Variants in AGPAT3 observed in about 807,000 individuals in gnomAD.
AGPAT3 encodes the protein 1-acyl-sn-glycerol-3-phosphate acyltransferase gamma.
AGPAT3 carries 5 observed loss-of-function variants against 47.3 expected under a neutral mutation model. The observed-to-expected ratio is 0.11, with a 90% CI of 0.06 to 0.22. The LOEUF is 0.22. AGPAT3 is among the 10% of genes least tolerant of loss of function. The pLI, the probability that AGPAT3 is intolerant of heterozygous loss-of-function variation, is 1.00. For synonymous variants in AGPAT3, 212 were observed against 208.3 expected (o/e 1.02, Z -0.15); for missense variants, 315 against 493.0 (o/e 0.64, Z 3.42).
chr21:43,921,492 A>T (rs1026945564), intron 2 of AGPAT3, among the ~76,000 whole-genome samples: 1 of 152,174 alleles, frequency 6.6e-6, no homozygotes, highest in African/African-American at 2.4e-5. Flanking sequence ...ACAGGTCACA[A>T]GTGGGGCAGT....
chr21:43,910,283 G>T (rs1180813257), intron 2 of AGPAT3, among the ~76,000 whole-genome samples: 1 of 152,210 alleles, frequency 6.6e-6, no homozygotes, highest in East Asian at 1.9e-4. Flanking sequence ...GTGCTGGTCT[G>T]CAGAGATTGG....
At chr21:43,941,391 G>T (rs567754253) in intron 2 of AGPAT3, among the ~76,000 whole-genome samples, 1 of 152,082 alleles carries the variant, frequency 6.6e-6, no homozygotes, top group Admixed American at 6.6e-5. Flanking sequence ...ATGTAAAAAC[G>T]ATCAATACTA....
intron 2 of AGPAT3, among the ~76,000 whole-genome samples, chr21:43,942,262 C>T (rs1010121657): frequency 6.6e-6 from 1 of 152,164 alleles, no homozygotes; most frequent in African/African-American, 2.4e-5. Flanking sequence ...AGACGTTGAG[C>T]GTCACGGTGG....
chr21:43,875,221 T>G (rs2085708677), intron 1 of AGPAT3, among the ~76,000 whole-genome samples: 1 of 152,172 alleles, frequency 6.6e-6, no homozygotes, highest in African/African-American at 2.4e-5. Context: ...CCTCATGATC[T>G]GCCCTCCTCG....
intron 3 of AGPAT3, chr21:43,966,042 G>C (rs141249524): frequency 6.6e-6 from 1 of 152,232 alleles, no homozygotes; most frequent in Non-Finnish European, 1.5e-5. Flanking sequence ...CCCAGGCGCC[G>C]CCCACCCTGC....
At chr21:43,972,505 T>A (rs1265106203) in intron 7 of AGPAT3, among the ~76,000 whole-genome samples, 1 of 152,134 alleles carries the variant, frequency 6.6e-6, no homozygotes. Context: ...GGGGCCCCAG[T>A]CCTGTCCCAA....
intron 1 of AGPAT3, among the ~76,000 whole-genome samples, chr21:43,890,029 A>G (rs2086066959): frequency 6.6e-6 from 1 of 152,052 alleles, no homozygotes; most frequent in Admixed American, 6.6e-5. Context: ...GACATTTTGG[A>G]TCTGTGTCCC....
intron 2 of AGPAT3, among the ~76,000 whole-genome samples, chr21:43,953,974 G>A (rs1161107106): frequency 6.6e-6 from 1 of 152,108 alleles, no homozygotes; most frequent in Non-Finnish European, 1.5e-5. Context: ...CTCCAGCCTG[G>A]GTGACAGAGT....
intron 7 of AGPAT3, among the ~76,000 whole-genome samples, chr21:43,977,756 G>A (rs573723248): frequency 6.6e-6 from 1 of 152,142 alleles, no homozygotes; most frequent in South Asian, 2.1e-4. Context: ...GCGTGGTGGC[G>A]CATGCCTGTA....
intron 1 of AGPAT3, among the ~76,000 whole-genome samples, chr21:43,890,365 G>A (rs1483713710): frequency 6.6e-6 from 1 of 152,086 alleles, no homozygotes; most frequent in African/African-American, 2.4e-5. Flanking sequence ...TCTGAAACAG[G>A]GTGGAGAATT....
chr21:43,868,934 A>G (rs1343132737), intron 1 of AGPAT3, among the ~76,000 whole-genome samples: 1 of 152,236 alleles, frequency 6.6e-6, no homozygotes, highest in Non-Finnish European at 1.5e-5. Flanking sequence ...AAGGTCCAAT[A>G]GAATCCAAAG....
intron 7 of AGPAT3, among the ~76,000 whole-genome samples, chr21:43,974,179 TA>T (rs967301482): frequency 1.3e-5 from 2 of 152,004 alleles, no homozygotes; most frequent in African/African-American, 4.8e-5. Flanking sequence ...GTGTGTGTTG[TA>T]TATGGGTGTG....
intron 2 of AGPAT3, among the ~76,000 whole-genome samples, chr21:43,948,649 A>T (rs141391765): frequency 4.6e-5 from 7 of 152,234 alleles, no homozygotes; most frequent in Admixed American, 2.0e-4. Context: ...GGTTTTAGGT[A>T]TGTCATATAA....
In AGPAT3 at chr21:43,955,059, C is replaced by G; in HGVS notation, c.-48-4575C>G. 8.1e-7 allele frequency: 1 copy of G among 1,232,812 alleles called. No homozygotes were observed. The highest frequency in any genetic ancestry group is 1.0e-6 in the Non-Finnish European group (1 of 953,674). The allele number at this position is 1,232,812 out of a possible 1,614,324, so 76.4% of individuals were successfully genotyped here. On this transcript the variant is annotated intron_variant, in intron 2 of 9. Coordinates refer to ENST00000291572, the MANE Select transcript of AGPAT3 (RefSeq NM_020132.5). This position sits in a 1 kb window ranked among gnomAD's most constrained non-coding sequence, Gnocchi z 4.1. The stretch of plus-strand genomic sequence containing the variant: ...GCATCACGGCTCTATCTGTGGCCCC[C>G]AAAGGCTGGGTGCCAGCTGCCTGTC...
At chr21:43,963,527 T>C (rs2088977029) in intron 3 of AGPAT3, among the ~76,000 whole-genome samples, 1 of 151,124 alleles carries the variant, frequency 6.6e-6, no homozygotes, top group African/African-American at 2.5e-5. Flanking sequence ...CTGGCCAACA[T>C]GGTGAAACCC....
At chr21:43,964,445 C>G (rs1305363114) in intron 3 of AGPAT3, among the ~76,000 whole-genome samples, 1 of 151,956 alleles carries the variant, frequency 6.6e-6, no homozygotes, top group Non-Finnish European at 1.5e-5. Flanking sequence ...ATCCGCCCAC[C>G]TCGGCCTCCC....
intron 1 of AGPAT3, among the ~76,000 whole-genome samples, chr21:43,895,735 G>A (rs868740627): frequency 6.6e-6 from 1 of 151,856 alleles, no homozygotes; most frequent in Non-Finnish European, 1.5e-5. Context: ...ACAGGCAACC[G>A]CCACCACACC....
In AGPAT3 at chr21:43,930,387, G is replaced by A. The variant is rs77024271; in HGVS notation, c.-49+26368G>A. Among the ~76,000 whole-genome samples, 433 of 152,298 alleles carry A rather than the reference G, an allele frequency of 2.8e-3. 1 individual carries two copies. Among genetic ancestry groups the A allele is most frequent in the African/African-American group, 7.2e-3 (300 of 41,556 alleles). On this transcript the variant is annotated intron_variant, in intron 2 of 9. Transcript: ENST00000291572. The surrounding 1 kb of genome is among the most constrained non-coding windows in gnomAD (Gnocchi z 5.0). ...AGCTAGCGGGGCAGAGCTGTGCTGA[G>A]CGCTGAGGGATCATTTGTGTAAAGC...
At chr21:43,962,545 G>A (rs1237244551) in intron 3 of AGPAT3, among the ~76,000 whole-genome samples, 1 of 152,156 alleles carries the variant, frequency 6.6e-6, no homozygotes, top group African/African-American at 2.4e-5. Flanking sequence ...GCTTTTTAAT[G>A]CATTTCTGGG....
Sources: gnomAD v4.1 joint callset for allele counts (sites outside exome capture counted in the v4.1 genomes callset) on GRCh38, gnomAD v4.1.1 for gene constraint, Gnocchi (gnomAD v3.1) non-coding constraint, MANE v1.5 for transcripts, NCBI Gene and HGNC (gene_info 2026-07-23, HGNC 2026-07-21) for gene names.